The following SMC4 variants were observed in gnomAD, a reference collection of about 807,000 sequenced individuals.
The protein encoded by SMC4 is structural maintenance of chromosomes 4, also known as structural maintenance of chromosomes protein 4.
SMC4 carries 87 observed loss-of-function variants against 145.6 expected under a neutral mutation model. That is an observed-to-expected ratio of 0.60 (90% CI 0.50 to 0.71). SMC4 has a LOEUF of 0.71. SMC4 is among the 30% of genes least tolerant of loss of function. The probability of loss-of-function intolerance (pLI) is 0.00; values close to 1 mark genes in which losing one functional copy is unlikely to be tolerated. For missense variants in SMC4, 1,447 were observed against 1,537.1 expected, an observed-to-expected ratio of 0.94 and a Z score of 0.98; for synonymous variants, 558 against 500.7, an observed-to-expected ratio of 1.11 and a Z score of -1.53.
At chr3:160,428,620 T>A in intron 17 of SMC4, 133 bp from the exon 18 acceptor site, 1 of 699,418 alleles carries the variant, frequency 1.4e-6, no homozygotes. Flanking sequence ...TTTTTTAAGG[T>A]GCTTTTTCCC....
chr3:160,427,931 A>G lies in SMC4; in HGVS notation c.2606-822A>G, dbSNP rs1717969779. ...GTGAAACCCCATCTCTTTGAAAAATACACACGCACGCACACACACAAACAC... is the reference window on the plus strand; with the variant it reads ...GTGAAACCCCATCTCTTTGAAAAATGCACACGCACGCACACACACAAACAC... On this transcript the variant is annotated intron_variant, in intron 17 of 23. Coordinates refer to ENST00000357388, the MANE Select transcript of SMC4 (RefSeq NM_001002800.3). 2.0e-5 allele frequency among the ~76,000 whole-genome samples: 3 copies of G among 152,004 alleles called. 1 individual carries two copies. In the South Asian group the frequency reaches 6.2e-4, roughly 31 times the overall value.
chr3:160,414,328 C>A, intron 8 of SMC4, 39 bp from the exon 9 acceptor site: 1 of 1,507,306 alleles, frequency 6.6e-7, no homozygotes, highest in Non-Finnish European at 9.2e-7. Flanking sequence ...AATATGTGCA[C>A]ATTCAAAATA....
At position 160,432,291 on chromosome 3, in the gene SMC4, G is replaced by T. The variant is rs779631681; in HGVS notation, c.3306G>T (p.Leu1102Phe). 1 of 1,596,688 alleles carries T rather than the reference G, an allele frequency of 6.3e-7. No individual in the cohort carries two copies. The highest frequency in any genetic ancestry group is 2.2e-5 in the East Asian group (1 of 44,762). Residue 1102 changes from leucine (L) to phenylalanine (F), a missense_variant, in exon 22 of 24, where the codon TTG becomes TTT. By Grantham distance (22) the Leu-to-Phe change is conservative. Transcript: ENST00000357388. ...TCATAATCTTTTCACAGGAAGAATT[G>T]TATTTGCAACGGGTAGCAGAATTGG... ...AIAEYKKKEE[L>F]YLQRVAELDK...
At chr3:160,408,271 C>T (rs1413349786) in intron 5 of SMC4, among the ~76,000 whole-genome samples, 1 of 152,192 alleles carries the variant, frequency 6.6e-6, no homozygotes, top group Non-Finnish European at 1.5e-5. Flanking sequence ...ATTTGGATTA[C>T]ATTTGAATAA....
In SMC4 at chr3:160,401,920, G is replaced by C; in HGVS notation, c.145G>C (p.Ala49Pro). ...TESPATAAET[A>P]SEELDNRSLE... ...CTTTCCTTTCACTGACTTAGAGACTGCAAGTGAGGAACTTGATAATAGAAG... is the reference window on the plus strand; with the variant it reads ...CTTTCCTTTCACTGACTTAGAGACTCCAAGTGAGGAACTTGATAATAGAAG... Residue 49 changes from alanine to proline, a missense_variant, in exon 3 of 24, where the codon GCA becomes CCA. By Grantham distance (27) the Ala-to-Pro change is conservative. Transcript: ENST00000357388. 6.2e-7 allele frequency: 1 copy of C among 1,601,874 alleles called. No individual in the cohort carries two copies. The highest frequency in any genetic ancestry group is 2.3e-5 in the East Asian group (1 of 43,946).
At chr3:160,402,235 TCTCACA>T in intron 3 of SMC4, 142 bp downstream of exon 3, 2 of 508,344 alleles carry the variant, frequency 3.9e-6, no homozygotes, top group South Asian at 3.1e-5. Flanking sequence ...TGTCTCTCTC[TCTCACA>T]CACACACACA....
Position 160,402,720 on chromosome 3 carries a change from T to C in SMC4, c.363T>C (p.Asn121=). ...IIGPNGSGKS[N]VIDSMLFVFG... Reference sequence around the variant, plus strand: ...GGCCAAATGGCAGTGGCAAATCCAATGTTATTGATTCTATGCTTTTTGTGT... The same window carrying C: ...GGCCAAATGGCAGTGGCAAATCCAACGTTATTGATTCTATGCTTTTTGTGT... The change falls in exon 4 of 24, where the codon AAT becomes AAC. Residue 121 remains asparagine, a synonymous_variant. Coordinates refer to ENST00000357388, the MANE Select transcript of SMC4 (RefSeq NM_001002800.3). 1 of 1,609,970 alleles carries C rather than the reference T, an allele frequency of 6.2e-7. No individual in the cohort carries two copies. The highest frequency in any genetic ancestry group is 1.3e-5 in the African/African-American group (1 of 74,824).
chr3:160,420,234 C>G (rs1344994657), intron 12 of SMC4, among the ~76,000 whole-genome samples: 1 of 152,188 alleles, frequency 6.6e-6, no homozygotes, highest in Non-Finnish European at 1.5e-5. Flanking sequence ...TTAAGTCAGC[C>G]TTTCGGAGAA....
chr3:160,402,174 T>G (rs1714759216), intron 3 of SMC4, 81 bp downstream of exon 3: 1 of 899,980 alleles, frequency 1.1e-6, no homozygotes, highest in Middle Eastern at 3.5e-4. Flanking sequence ...TGTTTCAGTT[T>G]TGTAACTATC....
Position 160,430,609 on chromosome 3 carries a change from A to C in SMC4, c.2806A>C (p.Lys936Gln). 6.3e-7 allele frequency: 1 copy of C among 1,582,326 alleles called. No individual in the cohort carries two copies. The highest frequency in any genetic ancestry group is 8.6e-7 in the Non-Finnish European group (1 of 1,167,470). The stretch of plus-strand genomic sequence containing the variant: ...ATTTTGCTTCTTTAGAAACCTTCAA[A>C]AGGCACAAGACTCTGTCTTGCGTAC... ...AIKTADRNLQ[K>Q]AQDSVLRTEK... The change falls in exon 19 of 24, where the codon AAG (lysine) becomes CAG (glutamine). Residue 936 changes from lysine to glutamine, a missense_variant. Physicochemically the swap from Lys to Gln is moderately conservative, Grantham distance 53. Coordinates refer to ENST00000357388, the MANE Select transcript of SMC4 (RefSeq NM_001002800.3).
At chr3:160,412,798 G>A in intron 7 of SMC4, 1 of 851,432 alleles carries the variant, frequency 1.2e-6, no homozygotes, top group Non-Finnish European at 1.4e-6. Flanking sequence ...ATTAAATTAG[G>A]CATATTAATT....
chr3:160,419,049 T>A (rs1434817289), intron 11 of SMC4, among the ~76,000 whole-genome samples: 1 of 152,230 alleles, frequency 6.6e-6, no homozygotes, highest in Non-Finnish European at 1.5e-5. Flanking sequence ...TATAACTATG[T>A]AGTATCAAAC....
At chr3:160,426,595 TAAAATA>T (rs1395843912) in intron 17 of SMC4, among the ~76,000 whole-genome samples, 1 of 152,050 alleles carries the variant, frequency 6.6e-6, no homozygotes, top group Non-Finnish European at 1.5e-5. Context: ...CTTGAAAACT[TAAAATA>T]TATATATATG....
chr3:160,424,088 TC>T (rs1717502072), intron 15 of SMC4, among the ~76,000 whole-genome samples: 1 of 152,178 alleles, frequency 6.6e-6, no homozygotes, highest in Non-Finnish European at 1.5e-5. Context: ...ATACAGATAT[TC>T]CATAACTTAC....
Position 160,423,512 on chromosome 3 carries a change from A to G in SMC4, c.2107A>G (p.Lys703Glu), listed in dbSNP as rs1387649282. Reference protein sequence around the residue: ...LFDLVKVKDEKIRQAFYFALR... With the variant: ...LFDLVKVKDEEIRQAFYFALR... ...TGATTTAGTAAAAGTAAAAGATGAG[A>G]AAATTCGCCAAGCTTTTTATTTTGC... is the stretch of plus-strand genomic sequence containing the variant. The change falls in exon 14 of 24, where the codon AAA becomes GAA. Residue 703 changes from lysine (K) to glutamate (E), a missense_variant. Lys to Glu is a moderately conservative substitution (Grantham distance 56). Transcript: ENST00000357388. 1 of 1,613,918 alleles carries G rather than the reference A, an allele frequency of 6.2e-7. No individual in the cohort carries two copies. The highest frequency in any genetic ancestry group is 8.5e-7 in the Non-Finnish European group (1 of 1,179,890).
At chr3:160,411,738 C>G (rs563604584) in intron 5 of SMC4, 182 bp from the exon 6 acceptor site, 9 of 478,610 alleles carry the variant, frequency 1.9e-5, no homozygotes, top group Admixed American at 7.0e-5. Context: ...AATTAAAACT[C>G]TTAGGAATAC....
intron 5 of SMC4, among the ~76,000 whole-genome samples, chr3:160,406,732 T>C (rs1371876287): frequency 6.6e-6 from 1 of 152,176 alleles, no homozygotes; most frequent in Non-Finnish European, 1.5e-5. Flanking sequence ...AATTTTTCAG[T>C]GTTAATATAT....
At chr3:160,404,083 C>T in intron 4 of SMC4, 2 of 397,044 alleles carry the variant, frequency 5.0e-6, no homozygotes, top group Non-Finnish European at 8.9e-6. Flanking sequence ...TGGGTTTTTT[C>T]GTTGGCTGGT....
At chr3:160,412,884 C>G in intron 7 of SMC4, 1 of 836,572 alleles carries the variant, frequency 1.2e-6, no homozygotes, top group Non-Finnish European at 1.4e-6. Context: ...GTACTCAGTC[C>G]TTTTACGTGT....
Sources: gnomAD v4.1 joint callset for allele counts (sites outside exome capture counted in the v4.1 genomes callset) on GRCh38, gnomAD v4.1.1 for gene constraint, MANE v1.5 for transcripts, NCBI Gene and HGNC (gene_info 2026-07-23, HGNC 2026-07-21) for gene names.